SLC30A9: variants seen among roughly 807,000 people sequenced by gnomAD.
SLC30A9 encodes proton-coupled zinc antiporter SLC30A9, mitochondrial.
In SLC30A9, 58 loss-of-function variants were observed where a neutral mutation model predicts 87.5. That is an observed-to-expected ratio of 0.66 (90% CI 0.54 to 0.82). The LOEUF (loss-of-function observed/expected upper bound fraction) is 0.82, where lower values mean the gene tolerates loss of function less well. Ranked by LOEUF, SLC30A9 falls within the 40% of genes least tolerant of loss-of-function variation. The pLI is 0.00. For missense variants in SLC30A9, 557 were observed against 679.1 expected (o/e 0.82, Z 2.00); for synonymous variants, 234 against 233.0 (o/e 1.00, Z -0.04).
intron 8 of SLC30A9, among the ~76,000 whole-genome samples, chr4:42,041,578 T>A (rs192199987): frequency 0.02 from 3,001 of 152,164 alleles, 55 homozygotes; most frequent in Middle Eastern, 0.061. Context: ...TACAAAAAAA[T>A]TTTTTTAATT....
At chr4:42,016,204 G>T (rs1238102981) in intron 2 of SLC30A9, among the ~76,000 whole-genome samples, 1 of 152,082 alleles carries the variant, frequency 6.6e-6, no homozygotes, top group Non-Finnish European at 1.5e-5. Context: ...CATGTTAAAT[G>T]CTTAGTATAT....
intron 9 of SLC30A9, among the ~76,000 whole-genome samples, chr4:42,052,392 C>CCA (rs1717414280): frequency 6.6e-6 from 1 of 152,160 alleles, no homozygotes; most frequent in South Asian, 2.1e-4. Flanking sequence ...CTTCTCTGTA[C>CCA]AATTGACAAA....
rs1718404650 is a variant in SLC30A9, at chr4:42,073,604, G to A, written c.1419-2053G>A. Among the ~76,000 whole-genome samples, 4 of 152,142 alleles carry A rather than the reference G, an allele frequency of 2.6e-5. No homozygotes were observed. The South Asian group carries it at 8.3e-4, about 31-fold the overall frequency. ...GGGTTTCTCATAGACTGTAATCAAG[G>A]TGTTGACTGGGATTATAGTCATCTC... is the stretch of plus-strand genomic sequence containing the variant. On this transcript the variant is annotated intron_variant, in intron 15 of 17. Transcript: ENST00000264451.
intron 17 of SLC30A9, among the ~76,000 whole-genome samples, chr4:42,085,189 T>TGGAA (rs1239013076): frequency 6.6e-6 from 1 of 152,224 alleles, no homozygotes; most frequent in Non-Finnish European, 1.5e-5. Flanking sequence ...ATTATCTACC[T>TGGAA]GGAAGGCTCA....
At chr4:42,038,460 A>C (rs1434214062) in intron 7 of SLC30A9, among the ~76,000 whole-genome samples, 1 of 152,196 alleles carries the variant, frequency 6.6e-6, no homozygotes, top group Admixed American at 6.5e-5. Flanking sequence ...CAAATAATAC[A>C]ATATATTCTT....
chr4:42,074,181 T>C (rs1349019952), intron 15 of SLC30A9, among the ~76,000 whole-genome samples: 1 of 152,208 alleles, frequency 6.6e-6, no homozygotes, highest in Non-Finnish European at 1.5e-5. Flanking sequence ...ACTATAAATA[T>C]TAAAACATTA....
rs147943133 is a variant in SLC30A9, at chr4:42,063,548, CT to C, written c.1032+429del. ...TCTCTTTTCCCGCATCCTGGGCTTC[CT>C]TCAGGTAGGAAGCCTGCACTGGGGG... On this transcript the variant is annotated intron_variant, in intron 11 of 17. Transcript: ENST00000264451. Among the ~76,000 whole-genome samples the C allele has an allele frequency of 5.7e-3, 874 of 152,276 alleles. 4 individuals carry two copies. The highest frequency in any genetic ancestry group is 0.02 in the African/African-American group (837 of 41,564).
chr4:42,078,282 A>G lies in SLC30A9; in HGVS notation c.1619A>G (p.Asp540Gly). ...CTTAAACATGGAGAAAATATTATTG[A>G]TACTTTAGGAGCTGAAGTAGATAGA... ...FMLKHGENII[D>G]TLGAEVDRLE... The change falls in exon 17 of 18, where the codon GAT becomes GGT. Residue 540 changes from aspartate (D) to glycine (G), a missense_variant. Physicochemically the swap from Asp to Gly is moderately conservative, Grantham distance 94 (BLOSUM62 -1). Around this residue, in one of 2 missense-constraint regions of SLC30A9, gnomAD observed 90 missense variants for 149.4 expected, o/e 0.60. Transcript: ENST00000264451. 6.3e-7 allele frequency: 1 copy of G among 1,585,218 alleles called. No individual in the cohort carries two copies. Among genetic ancestry groups the G allele is most frequent in the Non-Finnish European group, 8.6e-7 (1 of 1,158,570 alleles).
intron 6 of SLC30A9, among the ~76,000 whole-genome samples, chr4:42,033,777 A>G (rs374418639): frequency 3.4e-4 from 51 of 152,228 alleles, no homozygotes; most frequent in South Asian, 1.7e-3. Flanking sequence ...GGGTTTCACC[A>G]TGTTAGCCAG....
chr4:42,084,264 T>G (rs1246466204), intron 17 of SLC30A9, among the ~76,000 whole-genome samples: 1 of 152,188 alleles, frequency 6.6e-6, no homozygotes, highest in Non-Finnish European at 1.5e-5. Flanking sequence ...ACTTTTAGTA[T>G]GTCTTTATTT....
At chr4:42,074,139 G>A (rs1466041651) in intron 15 of SLC30A9, among the ~76,000 whole-genome samples, 1 of 150,858 alleles carries the variant, frequency 6.6e-6, no homozygotes, top group Non-Finnish European at 1.5e-5. Flanking sequence ...TTGCCAATCT[G>A]AAAAAGTTTT....
At chr4:42,047,853 T>G (rs1435009471) in intron 8 of SLC30A9, among the ~76,000 whole-genome samples, 1 of 152,064 alleles carries the variant, frequency 6.6e-6, no homozygotes, top group Non-Finnish European at 1.5e-5. Flanking sequence ...ATAGACTGGA[T>G]AAAGAAAATG....
chr4:42,016,714 A>G (rs1193219045), intron 2 of SLC30A9, among the ~76,000 whole-genome samples: 1 of 152,174 alleles, frequency 6.6e-6, no homozygotes, highest in Non-Finnish European at 1.5e-5. Flanking sequence ...CTTAGCACAC[A>G]GTAAAAGCTC....
At chr4:42,076,957 G>T (rs559683742) in intron 16 of SLC30A9, among the ~76,000 whole-genome samples, 3 of 22,824 alleles carry the variant, frequency 1.3e-4, no homozygotes, top group Non-Finnish European at 3.0e-4. Context: ...GCGAGACTCC[G>T]TCTCAAAAAA....
chr4:41,994,140 A>G (rs1714584931), intron 1 of SLC30A9, among the ~76,000 whole-genome samples: 1 of 149,214 alleles, frequency 6.7e-6, no homozygotes, highest in African/African-American at 2.4e-5. Context: ...CTGGGCGACG[A>G]GCGAAACTCC....
intron 2 of SLC30A9, among the ~76,000 whole-genome samples, chr4:42,012,971 A>T (rs1401219529): frequency 6.6e-6 from 1 of 152,154 alleles, no homozygotes; most frequent in Non-Finnish European, 1.5e-5. Flanking sequence ...ATAATCAACC[A>T]GGCTCAGTGG....
rs745707499 is a variant in SLC30A9 at position 42,070,559 on chromosome 4, G to A, written c.1286G>A (p.Gly429Asp). 1 of 1,613,508 alleles carries A rather than the reference G, an allele frequency of 6.2e-7. No individual in the cohort carries two copies. The highest frequency in any genetic ancestry group is 8.5e-7 in the Non-Finnish European group (1 of 1,179,776). Residue 429 changes from glycine (G) to aspartate (D), a missense_variant, in exon 15 of 18, where the codon GGT (glycine) becomes GAT (aspartate). Physicochemically the swap from Gly to Asp is moderately conservative, Grantham distance 94. Coordinates refer to ENST00000264451, the MANE Select transcript of SLC30A9 (RefSeq NM_006345.4). ...NPLYDSLGSL[G>D]VGTLLGMVSA... ...CTGTATGACAGCCTAGGTTCTTTGGGTGTGGGCACCTTATTAGGCATGGTC... is the reference window on the plus strand; with the variant it reads ...CTGTATGACAGCCTAGGTTCTTTGGATGTGGGCACCTTATTAGGCATGGTC...
intron 8 of SLC30A9, among the ~76,000 whole-genome samples, chr4:42,045,088 A>G (rs932429261): frequency 6.6e-6 from 1 of 152,234 alleles, no homozygotes; most frequent in Non-Finnish European, 1.5e-5. Context: ...TTATAGCACT[A>G]AATACCCACA....
rs61627323 is a variant in SLC30A9 at position 42,006,686 on chromosome 4, C to CAA, written c.274+4923_274+4924dup. Among the ~76,000 whole-genome samples, 81 of 129,312 alleles carry CAA rather than the reference C, an allele frequency of 6.3e-4. 1 individual carries two copies. The highest frequency in any genetic ancestry group is 3.8e-3 in the Middle Eastern group (1 of 260). 84.8% of individuals were successfully genotyped at this position (129,312 alleles called of 152,430 possible). Reference sequence around the variant, plus strand: ...TGGGCAACAGAGTGAGACCCTGTCTCAAAAAAAAAAAAAAAAAAGTAGGTA... The same window carrying CAA: ...TGGGCAACAGAGTGAGACCCTGTCTCAAAAAAAAAAAAAAAAAAAAGTAGGTA... On this transcript the variant is annotated intron_variant, in intron 2 of 17. Coordinates refer to ENST00000264451, the MANE Select transcript of SLC30A9 (RefSeq NM_006345.4).
Sources: gnomAD v4.1 joint callset for allele counts (sites outside exome capture counted in the v4.1 genomes callset) on GRCh38, gnomAD v4.1.1 for gene constraint, gnomAD v4.1.1 regional missense constraint, MANE v1.5 for transcripts, NCBI Gene and HGNC (gene_info 2026-07-23, HGNC 2026-07-21) for gene names.